Variants in INTS7 observed in about 807,000 individuals in gnomAD.
INTS7 encodes the protein chromosome 1 open reading frame 73.
A neutral mutation model predicts 109.2 loss-of-function variants in INTS7; 46 were observed. The ratio of observed to expected loss-of-function variants is 0.42; its 90% CI spans 0.33 to 0.54. The LOEUF is 0.54. INTS7 is among the 20% of genes least tolerant of loss of function. The pLI is 0.07. For missense variants in INTS7, 929 were observed against 1,132.4 expected (o/e 0.82, Z 2.58); for synonymous variants, 412 against 402.9 (o/e 1.02, Z -0.27).
intron 4 of INTS7, among the ~76,000 whole-genome samples, chr1:212,016,321 G>A (rs1262371144): frequency 6.6e-6 from 1 of 152,158 alleles, no homozygotes; most frequent in Admixed American, 6.5e-5. Context: ...GTCAGTCAGG[G>A]AGATACTGTA....
At chr1:211,994,989 TA>T (rs1162066720) in intron 7 of INTS7, among the ~76,000 whole-genome samples, 8 of 151,006 alleles carry the variant, frequency 5.3e-5, no homozygotes, top group Admixed American at 3.3e-4. Context: ...TTCATAGTAT[TA>T]AAAAAAAAGA....
At chr1:211,994,967 C>CA (rs1314879210) in intron 7 of INTS7, among the ~76,000 whole-genome samples, 1 of 151,022 alleles carries the variant, frequency 6.6e-6, no homozygotes, top group Non-Finnish European at 1.5e-5. Flanking sequence ...AAAATTATTA[C>CA]AAAAAAGAAA....
intron 18 of INTS7, among the ~76,000 whole-genome samples, chr1:211,945,635 C>T (rs1176424855): frequency 6.6e-6 from 1 of 152,204 alleles, no homozygotes; most frequent in African/African-American, 2.4e-5. Context: ...ATCGTCAAAT[C>T]TTCCTCATTA....
At chr1:212,008,755 C>T (rs1477468208) in intron 5 of INTS7, among the ~76,000 whole-genome samples, 3 of 152,144 alleles carry the variant, frequency 2.0e-5, no homozygotes, top group African/African-American at 7.2e-5. Flanking sequence ...ATTATAGCTT[C>T]TTAGACCCTG....
chr1:211,945,266 A>C (rs1232822700), intron 18 of INTS7, among the ~76,000 whole-genome samples: 1 of 152,162 alleles, frequency 6.6e-6, no homozygotes, highest in Non-Finnish European at 1.5e-5. Context: ...TTGACAATGA[A>C]CCACTTCTAG....
At chr1:212,027,059 G>A (rs1260464438) in intron 1 of INTS7, among the ~76,000 whole-genome samples, 2 of 152,114 alleles carry the variant, frequency 1.3e-5, no homozygotes, top group African/African-American at 2.4e-5. Flanking sequence ...ACAACGCCAC[G>A]GGGTAAATGA....
Position 212,006,667 on chromosome 1 carries a change from G to T in INTS7, c.851C>A (p.Pro284Gln). 1 of 1,574,240 alleles carries T rather than the reference G, an allele frequency of 6.4e-7. No individual in the cohort carries two copies. The highest frequency in any genetic ancestry group is 1.1e-5 in the South Asian group (1 of 88,822). ...QDLKLLANKTPHTWSRENIQA... is the reference protein window; with the variant it reads ...QDLKLLANKTQHTWSRENIQA... ...AATATTCTCCCTACTCCAAGTATGT[G>T]GTGTTTTATTAGCAAGTAATTTCAG... The change falls in exon 7 of 20, where the codon CCA becomes CAA. Residue 284 changes from proline (P) to glutamine (Q), a missense_variant. Physicochemically the swap from Pro to Gln is moderately conservative, Grantham distance 76 (BLOSUM62 -1). Transcript: ENST00000366994.
intron 16 of INTS7, among the ~76,000 whole-genome samples, chr1:211,954,777 C>T (rs1246376575): frequency 1.3e-5 from 2 of 152,190 alleles, no homozygotes; most frequent in Non-Finnish European, 2.9e-5. Context: ...GGTACCAGTA[C>T]CATGCTGTTT....
intron 7 of INTS7, among the ~76,000 whole-genome samples, chr1:212,003,932 A>G (rs1665791282): frequency 6.6e-6 from 1 of 152,240 alleles, no homozygotes; most frequent in South Asian, 2.1e-4. Context: ...CAGGGGAGAC[A>G]GAGAGAAAAC....
At chr1:211,992,345 A>T (rs1389114952) in intron 7 of INTS7, among the ~76,000 whole-genome samples, 7 of 152,146 alleles carry the variant, frequency 4.6e-5, no homozygotes, top group Admixed American at 1.3e-4. Flanking sequence ...AATAATTTTA[A>T]ATAAGAAGAA....
rs374558799 is a variant in INTS7, at chr1:212,033,940, G to A, written c.94+1404C>T. ...TATACTAAAAATACAAAAATTAGCC[G>A]GGCGTGGTGGCGGGCGCCTGTAATT... On this transcript the variant is annotated intron_variant, in intron 1 of 19. Transcript: ENST00000366994. Among the ~76,000 whole-genome samples, 11 of 152,146 alleles carry A rather than the reference G, an allele frequency of 7.2e-5. No individual in the cohort carries two copies. The East Asian group carries it at 9.7e-4, about 13-fold the overall frequency.
At chr1:211,993,262 G>C (rs1401684425) in intron 7 of INTS7, among the ~76,000 whole-genome samples, 1 of 152,154 alleles carries the variant, frequency 6.6e-6, no homozygotes, top group Non-Finnish European at 1.5e-5. Flanking sequence ...CACAGGTAAG[G>C]TACAAATTAG....
intron 13 of INTS7, among the ~76,000 whole-genome samples, chr1:211,969,763 A>G (rs546261761): frequency 1.4e-4 from 21 of 151,142 alleles, no homozygotes; most frequent in African/African-American, 5.1e-4. Context: ...TTGTTGCCCA[A>G]GCTGGAGTGC....
chr1:212,006,820 T>C, intron 6 of INTS7, 59 bp from the exon 7 acceptor site: 2 of 1,407,712 alleles, frequency 1.4e-6, no homozygotes, highest in East Asian at 2.4e-5. Context: ...TCATTAGAAA[T>C]GCAGTGTAGT....
chr1:211,946,775 G>A lies in INTS7; in HGVS notation c.2317-70C>T. The A allele has an allele frequency of 9.8e-7, 1 of 1,019,772 alleles. No individual in the cohort carries two copies. Among genetic ancestry groups the A allele is most frequent in the East Asian group, 2.5e-5 (1 of 39,712 alleles). 63.2% of individuals were successfully genotyped at this position (1,019,772 alleles called of 1,614,324 possible). On this transcript the variant is annotated intron_variant, in intron 17 of 19. Coordinates refer to ENST00000366994, the MANE Select transcript of INTS7 (RefSeq NM_015434.4). This position sits in a 1 kb window ranked among gnomAD's most constrained non-coding sequence, Gnocchi z 4.3. ...ATTTCATCAACAAGTGGTACATTCAGTATAAAACTACAAATGCCCATATAG... is the reference window on the plus strand; with the variant it reads ...ATTTCATCAACAAGTGGTACATTCAATATAAAACTACAAATGCCCATATAG...
intron 11 of INTS7, 103 bp from the exon 12 acceptor site, chr1:211,976,822 A>G: frequency 9.5e-7 from 1 of 1,048,334 alleles, no homozygotes; most frequent in Non-Finnish European, 1.4e-6. Context: ...CCCACTGCAA[A>G]AGAACAAAAT....
At position 211,966,474 on chromosome 1, in the gene INTS7, T is replaced by G. The variant is rs757574087; in HGVS notation, c.2139A>C (p.Ile713=). 30 of 1,609,478 alleles carry G rather than the reference T, an allele frequency of 1.9e-5. No homozygotes were observed. Among genetic ancestry groups the G allele is most frequent in the Non-Finnish European group, 2.4e-5 (28 of 1,176,418 alleles). Residue 713 remains isoleucine (I), a synonymous_variant, in exon 16 of 20, where the codon ATA becomes ATC. Transcript: ENST00000366994. ...AAATCAGGGCTTCTATTGCATGAGATATCAGTAAACAGCTCTGCTGCTGTC... is the reference window on the plus strand; with the variant it reads ...AAATCAGGGCTTCTATTGCATGAGAGATCAGTAAACAGCTCTGCTGCTGTC... ...VELQQQSCLL[I]SHAIEALILD...
In INTS7 at chr1:212,035,328, C is replaced by A. The variant is rs763280027; in HGVS notation, c.94+16G>T. ...CCCACGCCTGTTTCACCCATTCAGC[C>A]CTCTCTTTCGAATACCTTTGTCCAA... On this transcript the variant is annotated intron_variant, in intron 1 of 19. Coordinates refer to ENST00000366994, the MANE Select transcript of INTS7 (RefSeq NM_015434.4). 4 of 1,561,430 alleles carry A rather than the reference C, an allele frequency of 2.6e-6. No homozygotes were observed. The highest frequency in any genetic ancestry group is 3.3e-5 in the Admixed American group (2 of 59,922).
chr1:211,967,860 AG>A lies in INTS7; in HGVS notation c.2114+17del. ...ACTTCCAAAAAGAACAAGAAGTACT[AG>A]GGCAAGCTTGGGATACAGTTCAACA... On this transcript the variant is annotated intron_variant, in intron 15 of 19. Coordinates refer to ENST00000366994, the MANE Select transcript of INTS7 (RefSeq NM_015434.4). The A allele has an allele frequency of 7.2e-7, 1 of 1,393,742 alleles. No individual in the cohort carries two copies. The highest frequency in any genetic ancestry group is 1.0e-6 in the Non-Finnish European group (1 of 986,934). The allele number at this position is 1,393,742 out of a possible 1,614,324, so 86.3% of individuals were successfully genotyped here.
Sources: gnomAD v4.1 joint callset for allele counts (sites outside exome capture counted in the v4.1 genomes callset) on GRCh38, gnomAD v4.1.1 for gene constraint, Gnocchi (gnomAD v3.1) non-coding constraint, MANE v1.5 for transcripts, NCBI Gene and HGNC (gene_info 2026-07-23, HGNC 2026-07-21) for gene names.